SNRPD1: variants seen among roughly 807,000 people sequenced by gnomAD.
SNRPD1 encodes the protein small nuclear ribonucleoprotein D1 polypeptide, also known as small nuclear ribonucleoprotein Sm D1.
SNRPD1 carries 1 observed loss-of-function variant against 14.4 expected under a neutral mutation model. That is an observed-to-expected ratio of 0.07 (90% confidence interval 0.02 to 0.33). SNRPD1 has a LOEUF of 0.33. SNRPD1 is among the 10% of genes least tolerant of loss of function. SNRPD1 has a pLI of 1.00. For missense variants in SNRPD1, 52 were observed against 146.4 expected (o/e 0.36, Z 3.33); for synonymous variants, 42 against 50.3 (o/e 0.83, Z 0.70).
intron 1 of SNRPD1, among the ~76,000 whole-genome samples, chr18:21,618,704 A>G (rs1393776646): frequency 6.6e-6 from 1 of 152,176 alleles, no homozygotes; most frequent in Non-Finnish European, 1.5e-5. Flanking sequence ...GATGTCATAT[A>G]TAAAAAGAGA....
chr18:21,623,915 G>A lies in SNRPD1; in HGVS notation c.259G>A (p.Val87Met). 2 of 1,597,042 alleles carry A rather than the reference G, an allele frequency of 1.3e-6. No homozygotes were observed. Among genetic ancestry groups the A allele is most frequent in the South Asian group, 1.1e-5 (1 of 87,216 alleles). The stretch of plus-strand genomic sequence containing the variant: ...ACTACTTGTGGATGTTGAACCTAAG[G>A]TGAAATCTAAGAAAAGGGAAGCTGG... ...DTLLVDVEPK[V>M]KSKKREAVAG... The change falls in exon 3 of 4, where the codon GTG becomes ATG. Residue 87 changes from valine (V) to methionine (M), a missense_variant. Physicochemically the swap from Val to Met is conservative, Grantham distance 21. Coordinates refer to ENST00000300413, the MANE Select transcript of SNRPD1 (RefSeq NM_006938.4).
In SNRPD1 at chr18:21,630,924, A is replaced by G. The variant is rs2039078618; in HGVS notation, c.*1786A>G. ...ATTGGTATAAATAAATACTAGATAT[A>G]TATTTTTTTAAGTATCTTACCTCAT... is the stretch of plus-strand genomic sequence containing the variant. On this transcript the variant is annotated 3_prime_UTR_variant, in exon 4 of 4. Transcript: ENST00000300413. 2.0e-5 allele frequency: 3 copies of G among 150,698 alleles called. No individual in the cohort carries two copies. The South Asian group carries it at 6.3e-4, about 31-fold the overall frequency. 9.3% of individuals were successfully genotyped at this position (150,698 alleles called of 1,614,324 possible). A position where few individuals can be genotyped will look rare whatever the true frequency, so the allele number is the denominator to read the frequency against.
intron 1 of SNRPD1, among the ~76,000 whole-genome samples, chr18:21,619,951 T>C (rs1019894295): frequency 6.6e-6 from 1 of 151,550 alleles, no homozygotes. Context: ...GCCCAGCTAA[T>C]TTTTTTATTT....
chr18:21,618,551 T>G (rs2038974545), intron 1 of SNRPD1, among the ~76,000 whole-genome samples: 1 of 152,046 alleles, frequency 6.6e-6, no homozygotes. Flanking sequence ...GTGTAAAAGA[T>G]AAAAACAAAA....
At chr18:21,619,392 G>A (rs959453601) in intron 1 of SNRPD1, among the ~76,000 whole-genome samples, 2 of 151,924 alleles carry the variant, frequency 1.3e-5, no homozygotes, top group Admixed American at 1.3e-4. Context: ...ATGTTGGCCA[G>A]GCTGGTCTCG....
At chr18:21,617,399 G>C (rs943239430) in intron 1 of SNRPD1, among the ~76,000 whole-genome samples, 18 of 152,144 alleles carry the variant, frequency 1.2e-4, no homozygotes, top group Admixed American at 1.1e-3. Flanking sequence ...CTGTTTGCTT[G>C]TATTGTTTCA....
At chr18:21,627,236 C>T (rs2146262345) in intron 3 of SNRPD1, among the ~76,000 whole-genome samples, 1 of 151,934 alleles carries the variant, frequency 6.6e-6, no homozygotes, top group African/African-American at 2.4e-5. Flanking sequence ...CTTAATTTAT[C>T]TTTCTTTTTT....
intron 3 of SNRPD1, among the ~76,000 whole-genome samples, chr18:21,628,562 G>C (rs1322794703): frequency 6.6e-6 from 1 of 152,134 alleles, no homozygotes; most frequent in Non-Finnish European, 1.5e-5. Context: ...ATTATGTGTA[G>C]GTCAAATGAG....
chr18:21,618,712 A>G (rs2038975542), intron 1 of SNRPD1, among the ~76,000 whole-genome samples: 1 of 152,182 alleles, frequency 6.6e-6, no homozygotes, highest in Non-Finnish European at 1.5e-5. Flanking sequence ...ATATAAAAAG[A>G]GATTCAACTC....
chr18:21,612,371 A>T lies in SNRPD1; in HGVS notation c.-59A>T. On this transcript the variant is annotated 5_prime_UTR_variant, in exon 1 of 4. Transcript: ENST00000300413. ...CCGGCCATTCATACTGCAGTCGGTC[A>T]GTGTTCGGTTGAAGGATTCTGTGTG... is the stretch of plus-strand genomic sequence containing the variant. 1 of 1,410,058 alleles carries T rather than the reference A, an allele frequency of 7.1e-7. No individual in the cohort carries two copies. Among genetic ancestry groups the T allele is most frequent in the Non-Finnish European group, 9.6e-7 (1 of 1,042,678 alleles). 87.3% of individuals were successfully genotyped at this position (1,410,058 alleles called of 1,614,324 possible).
rs1288999478 is a variant in SNRPD1, at chr18:21,624,794, T to TA, written c.283+862dup. On this transcript the variant is annotated intron_variant, in intron 3 of 3. Transcript: ENST00000300413. ...CTTTATCTCATGCTGCTTTCCACTTTAAAAAAACCCCCTGTGGGTACCAAA... is the reference window on the plus strand; with the variant it reads ...CTTTATCTCATGCTGCTTTCCACTTTAAAAAAAACCCCCTGTGGGTACCAAA... Among the ~76,000 whole-genome samples the TA allele has an allele frequency of 5.5e-4, 83 of 152,030 alleles. 2 individuals carry two copies. The Middle Eastern group carries it at 0.014, about 25-fold the overall frequency.
intron 1 of SNRPD1, among the ~76,000 whole-genome samples, chr18:21,619,897 A>C (rs1231610317): frequency 6.6e-6 from 1 of 152,096 alleles, no homozygotes; most frequent in African/African-American, 2.4e-5. Flanking sequence ...CGATCCTCCC[A>C]CCTCAGACTC....
rs2146259730 is a variant in SNRPD1 at position 21,622,746 on chromosome 18, T to C, written c.36T>C (p.His12=). ...ATAGATTTTTGATGAAATTGAGTCA[T>C]GAAACTGTAACCATTGAATTGAAGA... is the stretch of plus-strand genomic sequence containing the variant. The part of the protein sequence containing the change: ...KLVRFLMKLS[H]ETVTIELKNG... The change falls in exon 2 of 4, where the codon CAT becomes CAC. Residue 12 remains histidine (H), a synonymous_variant. Coordinates refer to ENST00000300413, the MANE Select transcript of SNRPD1 (RefSeq NM_006938.4). 3.2e-6 allele frequency: 5 copies of C among 1,560,970 alleles called. No homozygotes were observed. The highest frequency in any genetic ancestry group is 4.4e-6 in the Non-Finnish European group (5 of 1,131,996).
chr18:21,615,900 G>A (rs182995632), intron 1 of SNRPD1, among the ~76,000 whole-genome samples: 3 of 152,320 alleles, frequency 2.0e-5, no homozygotes, highest in Non-Finnish European at 4.4e-5. Context: ...ATCCTCACCA[G>A]TATGTGGTGT....
intron 1 of SNRPD1, among the ~76,000 whole-genome samples, chr18:21,618,320 C>A (rs1014081439): frequency 6.6e-6 from 1 of 151,406 alleles, no homozygotes; most frequent in Non-Finnish European, 1.5e-5. Flanking sequence ...CAGAAAAAAC[C>A]TAAACTAAAA....
intron 2 of SNRPD1, 24 bp downstream of exon 2, chr18:21,622,825 T>TAACATTTTTTTTCTTCTCTTTTAC: frequency 7.8e-7 from 1 of 1,275,608 alleles, no homozygotes; most frequent in South Asian, 1.3e-5. Flanking sequence ...ACTGCTTTTA[T>TAACATTTTTTTTCTTCTCTTTTAC]AACATTTTTT....
chr18:21,614,141 C>T (rs141793057), intron 1 of SNRPD1, among the ~76,000 whole-genome samples: 4 of 152,064 alleles, frequency 2.6e-5, no homozygotes, highest in East Asian at 1.9e-4. Flanking sequence ...GGCATGGTGG[C>T]GGGCGCCTGT....
chr18:21,626,671 C>T (rs1048796103), intron 3 of SNRPD1, among the ~76,000 whole-genome samples: 1 of 151,468 alleles, frequency 6.6e-6, no homozygotes, highest in Non-Finnish European at 1.5e-5. Flanking sequence ...CCTATAATCC[C>T]AGCTACTCGG....
intron 1 of SNRPD1, among the ~76,000 whole-genome samples, chr18:21,617,915 G>T (rs576637458): frequency 4.2e-4 from 64 of 152,238 alleles, no homozygotes; most frequent in African/African-American, 1.4e-3. Context: ...GGAGACGGAG[G>T]TTGCAATGAG....
Sources: allele counts gnomAD v4.1 joint callset (sites outside exome capture counted in the v4.1 genomes callset), GRCh38; gene constraint gnomAD v4.1.1; transcripts MANE v1.5; gene names NCBI Gene and HGNC (gene_info 2026-07-23, HGNC 2026-07-21).